ITPR2: variants seen among roughly 807,000 people sequenced by gnomAD.
ITPR2 encodes the protein inositol 1,4,5-trisphosphate-gated calcium channel ITPR2.
A neutral mutation model predicts 317.1 loss-of-function variants in ITPR2; 207 were observed. That is an observed-to-expected ratio of 0.65 (90% confidence interval 0.58 to 0.73). ITPR2 has a LOEUF of 0.73. ITPR2 is among the 30% of genes least tolerant of loss of function. The pLI is 0.00. For missense variants in ITPR2, 2,613 were observed against 3,284.0 expected, an observed-to-expected ratio of 0.80 and a Z score of 4.99; for synonymous variants, 1,156 against 1,149.1, an observed-to-expected ratio of 1.01 and a Z score of -0.12.
chr12:26,753,884 C>T (rs1377692576), intron 2 of ITPR2, among the ~76,000 whole-genome samples: 1 of 152,176 alleles, frequency 6.6e-6, no homozygotes, highest in African/African-American at 2.4e-5. Context: ...TCTTGTATGT[C>T]CTTGGGAGCT....
chr12:26,341,151 T>C (rs1187922812), intron 55 of ITPR2, among the ~76,000 whole-genome samples: 1 of 152,192 alleles, frequency 6.6e-6, no homozygotes, highest in Non-Finnish European at 1.5e-5. Flanking sequence ...GTGGTCCCCA[T>C]TTTACAGATA....
Position 26,591,922 on chromosome 12 carries a change from T to A in ITPR2, c.4380+3543A>T, listed in dbSNP as rs1945719346. On this transcript the variant is annotated intron_variant, in intron 32 of 56. Coordinates refer to ENST00000381340, the MANE Select transcript of ITPR2 (RefSeq NM_002223.4). ...GATATATTCCCACAAGAAAGGAAAT[T>A]GTACATTGAAGAGATATCTGCACTC... Among the ~76,000 whole-genome samples, 3 of 152,064 alleles carry A rather than the reference T, an allele frequency of 2.0e-5. No individual in the cohort carries two copies. The South Asian group carries it at 6.2e-4, about 31-fold the overall frequency.
At chr12:26,691,239 C>A (rs1948234377) in intron 10 of ITPR2, among the ~76,000 whole-genome samples, 1 of 152,074 alleles carries the variant, frequency 6.6e-6, no homozygotes, top group African/African-American at 2.4e-5. Flanking sequence ...AGAAAAAAGT[C>A]AATATATCTT....
At chr12:26,471,097 T>C (rs1565545088) in intron 45 of ITPR2, among the ~76,000 whole-genome samples, 2 of 152,232 alleles carry the variant, frequency 1.3e-5, no homozygotes, top group Non-Finnish European at 2.9e-5. Context: ...TCTTGCCTTA[T>C]GATCCAGGAG....
chr12:26,359,265 T>C (rs1298320345), intron 55 of ITPR2, among the ~76,000 whole-genome samples: 1 of 152,192 alleles, frequency 6.6e-6, no homozygotes, highest in East Asian at 1.9e-4. Flanking sequence ...TGAGAAATAT[T>C]CAGGTACAAG....
Position 26,622,347 on chromosome 12 carries a change from G to A in ITPR2, c.3181C>T (p.Leu1061Phe). ...TAGTCGTGCATGATCAGATGAATGAGGACCCGTAAAAACGTCCTGCCTCCT... is the reference window on the plus strand; with the variant it reads ...TAGTCGTGCATGATCAGATGAATGAAGACCCGTAAAAACGTCCTGCCTCCT... ...DEGGRTFLRV[L>F]IHLIMHDYPP... The change falls in exon 25 of 57, where the codon CTC (leucine) becomes TTC (phenylalanine). Residue 1061 changes from leucine (L) to phenylalanine (F), a missense_variant. Physicochemically the swap from Leu to Phe is conservative, Grantham distance 22. Transcript: ENST00000381340. The A allele has an allele frequency of 6.2e-7, 1 of 1,613,316 alleles. No individual in the cohort carries two copies.
At position 26,632,059 on chromosome 12, in the gene ITPR2, C is replaced by G; in HGVS notation, c.2741G>C (p.Gly914Ala). The G allele has an allele frequency of 2.0e-6, 3 of 1,530,754 alleles. No homozygotes were observed. The South Asian group carries it at 3.9e-5, about 20-fold the overall frequency. The allele number at this position is 1,530,754 out of a possible 1,614,324, so 94.8% of individuals were successfully genotyped here. A position where few individuals can be genotyped will look rare whatever the true frequency, so the allele number is the denominator to read the frequency against. The change falls in exon 22 of 57, where the codon GGA (glycine) becomes GCA (alanine). Residue 914 changes from glycine (G) to alanine (A), a missense_variant and splice_region_variant. By Grantham distance (60) the Gly-to-Ala change is moderately conservative (BLOSUM62 0). This residue lies in a region of ITPR2 where 817 missense variants were observed against 897.6 expected (regional missense o/e 0.91). Transcript: ENST00000381340. Reference sequence around the variant, plus strand: ...ATGAATGGTTCTCATCACATTGTTTCCTGGCATGAGAAAATGCCGTAAGTC... The same window carrying G: ...ATGAATGGTTCTCATCACATTGTTTGCTGGCATGAGAAAATGCCGTAAGTC... ...FERLSKFQDG[G>A]NNVMRTIHGV...
rs555471700 is a variant in ITPR2 at position 26,491,344 on chromosome 12, G to T, written c.5370+2809C>A. Among the ~76,000 whole-genome samples, 378 of 151,690 alleles carry T rather than the reference G, an allele frequency of 2.5e-3. 1 individual carries two copies. The highest frequency in any genetic ancestry group is 8.9e-3 in the African/African-American group (370 of 41,362). On this transcript the variant is annotated intron_variant, in intron 39 of 56. Transcript: ENST00000381340. ...TAAAAATACAAAAAATTAGCCGGGC[G>T]TGGTGGTGGGCACCTGTAGTCCCAG...
chr12:26,564,361 T>C (rs1565606423), intron 34 of ITPR2, among the ~76,000 whole-genome samples: 1 of 152,172 alleles, frequency 6.6e-6, no homozygotes, highest in East Asian at 1.9e-4. Flanking sequence ...TTAAGACACA[T>C]GTACATCTCC....
At chr12:26,753,965 G>A (rs1295938860) in intron 2 of ITPR2, among the ~76,000 whole-genome samples, 2 of 152,190 alleles carry the variant, frequency 1.3e-5, no homozygotes, top group Non-Finnish European at 2.9e-5. Context: ...TTGATTCCAA[G>A]CTTAGGGGAT....
chr12:26,548,083 G>C (rs1419482197), intron 37 of ITPR2, among the ~76,000 whole-genome samples: 1 of 152,094 alleles, frequency 6.6e-6, no homozygotes, highest in Non-Finnish European at 1.5e-5. Context: ...TAAGGAGCTT[G>C]GACTAAATTT....
Position 26,401,261 on chromosome 12 carries a change from A to G in ITPR2, c.7400-1003T>C, listed in dbSNP as rs150484765. 2.3e-3 allele frequency among the ~76,000 whole-genome samples: 351 copies of G among 152,198 alleles called. 1 individual carries two copies. The highest frequency in any genetic ancestry group is 7.8e-3 in the African/African-American group (326 of 41,534). ...AAAAAATACATTTAGGGTATGTAAAATATTATACTTTGCACAGAGATTGGC... is the reference window on the plus strand; with the variant it reads ...AAAAAATACATTTAGGGTATGTAAAGTATTATACTTTGCACAGAGATTGGC... On this transcript the variant is annotated intron_variant, in intron 52 of 56. Transcript: ENST00000381340.
chr12:26,729,058 A>C (rs534617151), intron 2 of ITPR2, among the ~76,000 whole-genome samples: 2 of 152,352 alleles, frequency 1.3e-5, no homozygotes, highest in Non-Finnish European at 2.9e-5. Context: ...ATTAGATCCC[A>C]GTTGTCAATT....
intron 55 of ITPR2, among the ~76,000 whole-genome samples, chr12:26,365,693 C>T (rs375565415): frequency 1.3e-5 from 2 of 152,072 alleles, no homozygotes; most frequent in African/African-American, 2.4e-5. Flanking sequence ...AATTAAAAGG[C>T]AAATCTATCA....
chr12:26,576,781 G>A (rs1945288869), intron 34 of ITPR2, among the ~76,000 whole-genome samples: 1 of 152,186 alleles, frequency 6.6e-6, no homozygotes, highest in Non-Finnish European at 1.5e-5. Flanking sequence ...GCCTGACCTA[G>A]CACCAGCCCA....
chr12:26,801,041 G>A (rs527851878), intron 1 of ITPR2: 7 of 192,222 alleles, frequency 3.6e-5, no homozygotes, highest in Middle Eastern at 5.1e-4. Context: ...TTCACAGGCT[G>A]ACGACTGAGT....
chr12:26,794,335 A>C (rs113492129), intron 1 of ITPR2, among the ~76,000 whole-genome samples: 2 of 151,852 alleles, frequency 1.3e-5, no homozygotes, highest in African/African-American at 4.9e-5. Flanking sequence ...GTCAAAAATA[A>C]AGTATACTAT....
Position 26,408,602 on chromosome 12 carries a change from G to A in ITPR2, c.7399+2718C>T, listed in dbSNP as rs989126831. On this transcript the variant is annotated intron_variant, in intron 52 of 56. Coordinates refer to ENST00000381340, the MANE Select transcript of ITPR2 (RefSeq NM_002223.4). ...GCAGTTCTCTCTCTCTGTGCCTTGG[G>A]AGCCCTGGCTACCACGCTGTGGGTG... Among the ~76,000 whole-genome samples the A allele has an allele frequency of 3.9e-5, 6 of 152,112 alleles. No individual in the cohort carries two copies. The East Asian group carries it at 5.8e-4, about 15-fold the overall frequency.
intron 39 of ITPR2, among the ~76,000 whole-genome samples, chr12:26,488,824 A>C (rs1376053496): frequency 6.6e-6 from 1 of 152,136 alleles, no homozygotes; most frequent in African/African-American, 2.4e-5. Flanking sequence ...TTCATAATTT[A>C]TGTAGTTCTT....
Sources: allele counts gnomAD v4.1 joint callset (sites outside exome capture counted in the v4.1 genomes callset), GRCh38; gene constraint gnomAD v4.1.1; regional missense constraint gnomAD v4.1.1; transcripts MANE v1.5; gene names NCBI Gene and HGNC (gene_info 2026-07-23, HGNC 2026-07-21).